The following GABBR2 variants were observed in gnomAD, a reference collection of about 807,000 sequenced individuals.
GABBR2 encodes gamma-aminobutyric acid type B receptor subunit 2, also known as G-protein coupled receptor 51.
GABBR2 carries 23 observed loss-of-function variants against 105.6 expected under a neutral mutation model. The ratio of observed to expected loss-of-function variants is 0.22; its 90% confidence interval spans 0.16 to 0.31. GABBR2 has a LOEUF of 0.31. Among genes scored for constraint, GABBR2 ranks in the 10% least tolerant of loss-of-function variants. The probability of loss-of-function intolerance (pLI) is 1.00; values close to 1 mark genes in which losing one functional copy is unlikely to be tolerated. For missense variants in GABBR2, 734 were observed against 1,245.5 expected (o/e 0.59, Z 6.18); for synonymous variants, 478 against 499.7 (o/e 0.96, Z 0.58).
At chr9:98,564,033 T>G (rs1588230281) in intron 2 of GABBR2, among the ~76,000 whole-genome samples, 1 of 133,546 alleles carries the variant, frequency 7.5e-6, no homozygotes, top group Non-Finnish European at 1.7e-5. Flanking sequence ...ATTTATTTTT[T>G]ATACACAAGT....
intron 2 of GABBR2, among the ~76,000 whole-genome samples, chr9:98,549,167 C>T (rs536255909): frequency 4.9e-5 from 6 of 121,448 alleles, no homozygotes; most frequent in South Asian, 2.7e-4. Context: ...GCTGGTCTTG[C>T]GCTCCTGACC....
intron 14 of GABBR2, among the ~76,000 whole-genome samples, chr9:98,310,258 T>TA (rs576150241): frequency 2.1e-3 from 318 of 152,304 alleles, no homozygotes; most frequent in Non-Finnish European, 3.7e-3. Flanking sequence ...TCTTTGATTT[T>TA]TTTTTTTGAG....
intron 7 of GABBR2, among the ~76,000 whole-genome samples, chr9:98,406,922 C>T (rs1271116555): frequency 6.6e-6 from 1 of 152,202 alleles, no homozygotes; most frequent in African/African-American, 2.4e-5. Context: ...TTGACACACA[C>T]TATATCACTG....
intron 3 of GABBR2, among the ~76,000 whole-genome samples, chr9:98,513,315 C>T (rs1464587519): frequency 6.6e-6 from 1 of 152,104 alleles, no homozygotes; most frequent in Non-Finnish European, 1.5e-5. Flanking sequence ...AGAAGAAAAC[C>T]TAGGCAATAA....
rs550884275 is a variant in GABBR2 at position 98,466,365 on chromosome 9, A to G, written c.999+6781T>C. ...GGTATTAACTGTAACACATAAAGGCAGTTTCTGAATTGCTACAAATAGTTT... is the reference window on the plus strand; with the variant it reads ...GGTATTAACTGTAACACATAAAGGCGGTTTCTGAATTGCTACAAATAGTTT... On this transcript the variant is annotated intron_variant, in intron 6 of 18. Transcript: ENST00000259455. Among the ~76,000 whole-genome samples the G allele has an allele frequency of 3.3e-5, 5 of 152,374 alleles. No homozygotes were observed. The East Asian group carries it at 9.6e-4, about 29-fold the overall frequency.
At chr9:98,333,300 G>T (rs1249548571) in intron 13 of GABBR2, among the ~76,000 whole-genome samples, 3 of 152,202 alleles carry the variant, frequency 2.0e-5, no homozygotes, top group Non-Finnish European at 4.4e-5. Flanking sequence ...GAAGCCCTCA[G>T]AAATGATACT....
intron 1 of GABBR2, among the ~76,000 whole-genome samples, chr9:98,648,990 C>T (rs1830068654): frequency 6.6e-6 from 1 of 152,152 alleles, no homozygotes. Flanking sequence ...GTCATGCTGG[C>T]TATCATTTTT....
chr9:98,663,042 C>T (rs1363934041), intron 1 of GABBR2, among the ~76,000 whole-genome samples: 2 of 152,028 alleles, frequency 1.3e-5, no homozygotes, highest in African/African-American at 2.4e-5. Context: ...ATGAGAGGAC[C>T]CTCCCATGAT....
At chr9:98,335,661 C>T (rs1831101552) in intron 13 of GABBR2, among the ~76,000 whole-genome samples, 1 of 124,776 alleles carries the variant, frequency 8.0e-6, no homozygotes, top group Non-Finnish European at 1.8e-5. Flanking sequence ...TCTTTGAAAT[C>T]ATTCAACAAC....
intron 1 of GABBR2, among the ~76,000 whole-genome samples, chr9:98,708,190 A>C (rs2131892557): frequency 6.8e-6 from 1 of 147,368 alleles, no homozygotes. Flanking sequence ...CCACACACAC[A>C]TACACACATA....
At chr9:98,379,567 C>A (rs1219444516) in intron 11 of GABBR2, among the ~76,000 whole-genome samples, 3 of 152,192 alleles carry the variant, frequency 2.0e-5, no homozygotes, top group African/African-American at 4.8e-5. Flanking sequence ...CCGCACCTGG[C>A]CTCCCAGCCT....
rs369338702 is a variant in GABBR2, at chr9:98,447,063, C to CTTTTTTT, written c.1236+6911_1236+6917dup. ...CCCAGATTCAACCTAAAAAAGACTT[C>CTTTTTTT]TTTTTTTTTTTTTTTTGAGACGGAG... On this transcript the variant is annotated intron_variant, in intron 7 of 18. Coordinates refer to ENST00000259455, the MANE Select transcript of GABBR2 (RefSeq NM_005458.8). Among the ~76,000 whole-genome samples the CTTTTTTT allele has an allele frequency of 1.4e-4, 16 of 116,338 alleles. 1 individual carries two copies. Among genetic ancestry groups the CTTTTTTT allele is most frequent in the East Asian group, 1.1e-3 (3 of 2,766 alleles). 76.3% of individuals were successfully genotyped at this position (116,338 alleles called of 152,430 possible). A position where few individuals can be genotyped will look rare whatever the true frequency, so the allele number is the denominator to read the frequency against.
chr9:98,525,774 C>CAACTGATGAATGATA (rs1827944590), intron 3 of GABBR2, among the ~76,000 whole-genome samples: 1 of 152,164 alleles, frequency 6.6e-6, no homozygotes, highest in African/African-American at 2.4e-5. Flanking sequence ...AAATGTCCAT[C>CAACTGATGAATGATA]AACTGATGAA....
chr9:98,650,585 A>G (rs1686586531), intron 1 of GABBR2, among the ~76,000 whole-genome samples: 2 of 152,224 alleles, frequency 1.3e-5, no homozygotes, highest in African/African-American at 4.8e-5. Flanking sequence ...GAGGAGGGAA[A>G]TGAAAGGAAA....
intron 7 of GABBR2, among the ~76,000 whole-genome samples, chr9:98,420,682 A>T (rs1231281234): frequency 1.3e-5 from 2 of 152,204 alleles, no homozygotes; most frequent in Non-Finnish European, 2.9e-5. Context: ...GCCCAGGCTC[A>T]CAGAGGGCTT....
At chr9:98,318,908 TG>T (rs1830769772) in intron 13 of GABBR2, among the ~76,000 whole-genome samples, 3 of 131,728 alleles carry the variant, frequency 2.3e-5, no homozygotes, top group East Asian at 2.8e-4. Context: ...TGTGTGTGTG[TG>T]TGTGTTGGGG....
At chr9:98,589,762 T>G (rs923291916) in intron 1 of GABBR2, among the ~76,000 whole-genome samples, 1 of 150,568 alleles carries the variant, frequency 6.6e-6, no homozygotes, top group African/African-American at 2.4e-5. Context: ...TCACTGAAGC[T>G]GGAGTGCAGT....
chr9:98,340,148 A>T (rs1332149210), intron 13 of GABBR2, among the ~76,000 whole-genome samples: 1 of 151,576 alleles, frequency 6.6e-6, no homozygotes, highest in East Asian at 2.0e-4. Context: ...TGCTGTGATG[A>T]AAAAAGAACA....
rs1829796023 is a variant in GABBR2 at position 98,630,031 on chromosome 9, G to A, written c.322-51959C>T. Among the ~76,000 whole-genome samples, 3 of 151,726 alleles carry A rather than the reference G, an allele frequency of 2.0e-5. No individual in the cohort carries two copies. In the South Asian group the frequency reaches 6.3e-4, roughly 32 times the overall value. On this transcript the variant is annotated intron_variant, in intron 1 of 18. Transcript: ENST00000259455. ...GTATTCATGTGCCTCATGAATAACT[G>A]AGCCCTATTTCAGGATTGAGTTGAC... is the stretch of plus-strand genomic sequence containing the variant.
Sources: gnomAD v4.1 joint callset for allele counts (sites outside exome capture counted in the v4.1 genomes callset) on GRCh38, gnomAD v4.1.1 for gene constraint, MANE v1.5 for transcripts, NCBI Gene and HGNC (gene_info 2026-07-23, HGNC 2026-07-21) for gene names.